Variants in OR3A2 observed in about 807,000 individuals in gnomAD.
OR3A2 encodes the protein olfactory receptor 3A2.
For synonymous variants in OR3A2, 126 were observed against 159.3 expected, an observed-to-expected ratio of 0.79 and a Z score of 1.57; for missense variants, 318 against 392.8, an observed-to-expected ratio of 0.81 and a Z score of 1.61.
intron 2 of OR3A2, among the ~76,000 whole-genome samples, chr17:3,336,453 T>G (rs370064861): frequency 1.3e-5 from 2 of 152,304 alleles, no homozygotes; most frequent in South Asian, 4.1e-4. Context: ...ATAAACTTTA[T>G]GTGTAAGAAG....
intron 3 of OR3A2, among the ~76,000 whole-genome samples, chr17:3,331,967 C>T (rs2049238675): frequency 6.6e-6 from 1 of 151,836 alleles, no homozygotes; most frequent in South Asian, 2.1e-4. Context: ...TGTTGGAATA[C>T]CCTGCCGTGT....
chr17:3,382,748 G>A (rs1226523351), intron 2 of OR3A2, among the ~76,000 whole-genome samples: 2 of 152,136 alleles, frequency 1.3e-5, no homozygotes, highest in African/African-American at 2.4e-5. Context: ...ATATCTGGTG[G>A]TCTCCTACTC....
chr17:3,323,765 AC>A (rs1213721242), intron 3 of OR3A2, among the ~76,000 whole-genome samples: 1 of 152,028 alleles, frequency 6.6e-6, no homozygotes, highest in Non-Finnish European at 1.5e-5. Flanking sequence ...GGGTAACCCG[AC>A]CTTTCTCTCT....
intron 1 of OR3A2, among the ~76,000 whole-genome samples, chr17:3,384,684 T>C (rs764877357): frequency 5.3e-5 from 8 of 152,136 alleles, no homozygotes; most frequent in Non-Finnish European, 7.4e-5. Context: ...ATCTTCCTGC[T>C]CTCTACAGTA....
intron 3 of OR3A2, among the ~76,000 whole-genome samples, chr17:3,295,270 C>G (rs528996181): frequency 4.2e-4 from 63 of 151,462 alleles, no homozygotes; most frequent in Non-Finnish European, 7.5e-4. Flanking sequence ...TATAAGTACA[C>G]AAATCAGTAT....
intron 3 of OR3A2, among the ~76,000 whole-genome samples, chr17:3,300,073 G>A (rs1049367398): frequency 6.6e-6 from 1 of 151,608 alleles, no homozygotes; most frequent in Non-Finnish European, 1.5e-5. Flanking sequence ...GGATGTAGCA[G>A]AGCTGGACCT....
chr17:3,352,750 A>G (rs1425523228), intron 2 of OR3A2, among the ~76,000 whole-genome samples: 3 of 151,942 alleles, frequency 2.0e-5, no homozygotes, highest in Non-Finnish European at 4.4e-5. Context: ...GTGATTTCAT[A>G]TAAATTTTAG....
chr17:3,361,939 T>A (rs146548374), intron 2 of OR3A2, among the ~76,000 whole-genome samples: 155 of 150,276 alleles, frequency 1.0e-3, no homozygotes, highest in Middle Eastern at 3.5e-3. Flanking sequence ...ATAAAATGAG[T>A]TAGGGTGGAT....
intron 2 of OR3A2, among the ~76,000 whole-genome samples, chr17:3,340,010 T>C (rs1051315447): frequency 3.9e-5 from 6 of 152,232 alleles, no homozygotes; most frequent in Non-Finnish European, 8.8e-5. Flanking sequence ...GGAAGGTGTA[T>C]GTGTCCAGAA....
At chr17:3,330,486 T>A (rs1368458378) in intron 3 of OR3A2, among the ~76,000 whole-genome samples, 1 of 152,102 alleles carries the variant, frequency 6.6e-6, no homozygotes, top group African/African-American at 2.4e-5. Flanking sequence ...TTGTCTCTTT[T>A]GATTTTGTTG....
intron 1 of OR3A2, 128 bp from the exon 4 acceptor site, chr17:3,279,281 G>A (rs150069107): frequency 4.4e-4 from 135 of 308,136 alleles, no homozygotes; most frequent in African/African-American, 2.6e-3. Context: ...ATGTTAATTT[G>A]TTTCACTATA....
chr17:3,280,399 A>C (rs1358977205), intron 1 of OR3A2, among the ~76,000 whole-genome samples: 1 of 151,582 alleles, frequency 6.6e-6, no homozygotes, highest in African/African-American at 2.4e-5. Context: ...AGCCTCCTGA[A>C]TAGCTGGGAC....
At chr17:3,377,010 T>A (rs2150667746) in intron 2 of OR3A2, among the ~76,000 whole-genome samples, 1 of 152,360 alleles carries the variant, frequency 6.6e-6, no homozygotes, top group East Asian at 1.9e-4. Context: ...TCAGGTTCCC[T>A]AGTGGGGATG....
intron 3 of OR3A2, among the ~76,000 whole-genome samples, chr17:3,334,462 C>A (rs573788004): frequency 6.6e-6 from 1 of 152,250 alleles, no homozygotes; most frequent in East Asian, 1.9e-4. Flanking sequence ...CATGTTGCTG[C>A]AAATGACAGA....
At chr17:3,322,194 T>C (rs2049129758) in intron 3 of OR3A2, among the ~76,000 whole-genome samples, 1 of 152,218 alleles carries the variant, frequency 6.6e-6, no homozygotes, top group Non-Finnish European at 1.5e-5. Flanking sequence ...TGGTAGTTTG[T>C]ATTTCTGTGG....
chr17:3,360,860 C>G (rs2049508025), intron 2 of OR3A2, among the ~76,000 whole-genome samples: 1 of 151,616 alleles, frequency 6.6e-6, no homozygotes, highest in Non-Finnish European at 1.5e-5. Context: ...GTGATGCCTC[C>G]AGCTTTGTTC....
At chr17:3,364,289 G>C (rs1033728676) in intron 2 of OR3A2, among the ~76,000 whole-genome samples, 20 of 152,092 alleles carry the variant, frequency 1.3e-4, no homozygotes, top group Non-Finnish European at 2.4e-4. Flanking sequence ...ATACATTATG[G>C]AATGATCAAA....
intron 3 of OR3A2, among the ~76,000 whole-genome samples, chr17:3,317,747 T>G (rs1263985027): frequency 6.6e-6 from 1 of 152,060 alleles, no homozygotes; most frequent in Admixed American, 6.6e-5. Context: ...GGGTTTTGAG[T>G]TGAAGGAGTT....
chr17:3,371,016 C>G (rs2049611685), intron 2 of OR3A2, among the ~76,000 whole-genome samples: 1 of 151,994 alleles, frequency 6.6e-6, no homozygotes, highest in African/African-American at 2.4e-5. Flanking sequence ...ATGTCTACCT[C>G]TTTCTACACA....
Sources: allele counts gnomAD v4.1 joint callset (sites outside exome capture counted in the v4.1 genomes callset), GRCh38; gene constraint gnomAD v4.1.1; transcripts MANE v1.5; gene names NCBI Gene and HGNC (gene_info 2026-07-23, HGNC 2026-07-21).